Variants in TGFA observed in about 807,000 individuals in gnomAD.
TGFA encodes the protein protransforming growth factor alpha.
Under a neutral mutation model 21.7 loss-of-function variants are expected in TGFA, and 12 were observed. The observed-to-expected ratio is 0.55, with a 90% CI of 0.35 to 0.90. The LOEUF is 0.90. Among genes scored for constraint, TGFA ranks in the 40% least tolerant of loss-of-function variants. The pLI is 0.01. For missense variants in TGFA, 178 were observed against 210.8 expected (o/e 0.84, Z 0.96); for synonymous variants, 79 against 88.1 (o/e 0.90, Z 0.58).
chr2:70,522,899 A>G (rs113811733), intron 1 of TGFA, among the ~76,000 whole-genome samples: 6 of 152,368 alleles, frequency 3.9e-5, no homozygotes, highest in African/African-American at 1.4e-4. Flanking sequence ...GCAGAGAGCA[A>G]TGAATGAAAA....
intron 3 of TGFA, among the ~76,000 whole-genome samples, chr2:70,462,014 T>G (rs1356355836): frequency 6.6e-6 from 1 of 152,192 alleles, no homozygotes; most frequent in Non-Finnish European, 1.5e-5. Flanking sequence ...AGTTTAAGAC[T>G]TACGATATTT....
chr2:70,553,467 C>G, intron 1 of TGFA: 1 of 1,407,594 alleles, frequency 7.1e-7, no homozygotes, highest in South Asian at 1.6e-5. Context: ...CCCGTTCACA[C>G]TCCGCTTCCC....
At chr2:70,488,780 A>G (rs1457157776) in intron 2 of TGFA, among the ~76,000 whole-genome samples, 1 of 152,230 alleles carries the variant, frequency 6.6e-6, no homozygotes, top group Non-Finnish European at 1.5e-5. Flanking sequence ...CCCATTTACA[A>G]CAAGGAGTTT....
intron 2 of TGFA, among the ~76,000 whole-genome samples, chr2:70,498,524 G>T (rs1188647279): frequency 1.3e-5 from 2 of 152,182 alleles, no homozygotes; most frequent in African/African-American, 2.4e-5. Flanking sequence ...CAAGGAATGA[G>T]TTTTTTCTTC....
intron 1 of TGFA, among the ~76,000 whole-genome samples, chr2:70,524,675 A>G (rs1209913566): frequency 2.0e-5 from 3 of 152,224 alleles, no homozygotes; most frequent in African/African-American, 4.8e-5. Flanking sequence ...AAAGGGTTAC[A>G]CTTGATTTTC....
chr2:70,465,539 A>C (rs1335836172), intron 3 of TGFA, 77 bp downstream of exon 3: 1 of 1,581,550 alleles, frequency 6.3e-7, no homozygotes, highest in African/African-American at 1.3e-5. Flanking sequence ...GGCAAGTCTT[A>C]TGGAGGTAAA....
intron 1 of TGFA, among the ~76,000 whole-genome samples, chr2:70,532,527 T>C (rs1672841601): frequency 6.6e-6 from 1 of 152,140 alleles, no homozygotes; most frequent in African/African-American, 2.4e-5. Flanking sequence ...TCCAACACAA[T>C]CCTCTTCCTC....
intron 1 of TGFA, among the ~76,000 whole-genome samples, chr2:70,548,771 C>T (rs969127062): frequency 2.0e-5 from 3 of 152,170 alleles, no homozygotes; most frequent in South Asian, 2.1e-4. Flanking sequence ...GTACAACAAA[C>T]GTGTAATCCT....
intron 1 of TGFA, among the ~76,000 whole-genome samples, chr2:70,523,247 C>T (rs1355817479): frequency 6.6e-6 from 1 of 152,178 alleles, no homozygotes; most frequent in Non-Finnish European, 1.5e-5. Flanking sequence ...CAAAGACTTC[C>T]ATCCAGTGAC....
At chr2:70,549,455 A>C (rs1224237559) in intron 1 of TGFA, among the ~76,000 whole-genome samples, 1 of 152,180 alleles carries the variant, frequency 6.6e-6, no homozygotes, top group African/African-American at 2.4e-5. Flanking sequence ...CTTGTCAGCC[A>C]GGCAAACCTC....
chr2:70,475,985 C>CT (rs1247394307), intron 2 of TGFA, among the ~76,000 whole-genome samples: 24 of 148,736 alleles, frequency 1.6e-4, no homozygotes, highest in African/African-American at 5.9e-4. Context: ...ATCACACTCT[C>CT]TGCCACTAAG....
At position 70,450,848 on chromosome 2, in the gene TGFA, C is replaced by T; in HGVS notation, c.*11G>A. 1 of 1,609,776 alleles carries T rather than the reference C, an allele frequency of 6.2e-7. No homozygotes were observed. The highest frequency in any genetic ancestry group is 8.5e-7 in the Non-Finnish European group (1 of 1,177,896). ...CACAGTCCACCTGGCCAAACTCCTC[C>T]TCTGGGCTCTTCAGACCACTGGCAG... On this transcript the variant is annotated 3_prime_UTR_variant, in exon 6 of 6. Coordinates refer to ENST00000295400, the MANE Select transcript of TGFA (RefSeq NM_003236.4).
At chr2:70,506,028 C>G (rs1163327938) in intron 2 of TGFA, among the ~76,000 whole-genome samples, 6 of 151,876 alleles carry the variant, frequency 4.0e-5, no homozygotes, top group Non-Finnish European at 8.8e-5. Context: ...ACCAGATGCT[C>G]CAGGTCAATC....
intron 1 of TGFA, among the ~76,000 whole-genome samples, chr2:70,526,169 C>G (rs1028373741): frequency 3.9e-5 from 6 of 152,184 alleles, no homozygotes; most frequent in African/African-American, 1.2e-4. Context: ...TTTTTCCTGT[C>G]AGCTCTTCCC....
At chr2:70,467,116 T>C (rs1193550926) in intron 2 of TGFA, among the ~76,000 whole-genome samples, 1 of 152,102 alleles carries the variant, frequency 6.6e-6, no homozygotes, top group Non-Finnish European at 1.5e-5. Context: ...TGATGGATTG[T>C]TATGTGCAGC....
chr2:70,471,636 G>A (rs1326022051), intron 2 of TGFA, among the ~76,000 whole-genome samples: 9 of 152,204 alleles, frequency 5.9e-5, no homozygotes, highest in African/African-American at 1.9e-4. Flanking sequence ...TCCTATGAGA[G>A]GCACTTTGGT....
chr2:70,459,030 G>T (rs781926672), intron 3 of TGFA, among the ~76,000 whole-genome samples: 7 of 152,166 alleles, frequency 4.6e-5, no homozygotes, highest in Non-Finnish European at 8.8e-5. Context: ...TCTTTCTCCC[G>T]GGGAAAGGTA....
intron 2 of TGFA, among the ~76,000 whole-genome samples, chr2:70,468,189 A>T (rs932311074): frequency 1.1e-4 from 16 of 152,222 alleles, no homozygotes; most frequent in African/African-American, 3.9e-4. Context: ...ACATTCAGTG[A>T]GGTATAACTA....
intron 2 of TGFA, among the ~76,000 whole-genome samples, chr2:70,496,174 T>C (rs1553498320): frequency 6.6e-6 from 1 of 152,180 alleles, no homozygotes; most frequent in Non-Finnish European, 1.5e-5. Context: ...ATCACTGTTA[T>C]CTGAAGCTTG....
Sources: allele counts gnomAD v4.1 joint callset (sites outside exome capture counted in the v4.1 genomes callset), GRCh38; gene constraint gnomAD v4.1.1; transcripts MANE v1.5; gene names NCBI Gene and HGNC (gene_info 2026-07-23, HGNC 2026-07-21).